BDH2: variants seen among roughly 807,000 people sequenced by gnomAD.
BDH2 encodes 3-hydroxybutyrate dehydrogenase 2, also known as dehydrogenase/reductase SDR family member 6.
A neutral mutation model predicts 33.2 loss-of-function variants in BDH2; 24 were observed. The ratio of observed to expected loss-of-function variants is 0.72; its 90% confidence interval spans 0.52 to 1.02. The LOEUF (loss-of-function observed/expected upper bound fraction) is 1.02. BDH2 is among the 50% of genes least tolerant of loss of function. BDH2 has a pLI of 0.00. For missense variants in BDH2, 249 were observed against 301.6 expected (o/e 0.83, Z 1.29); for synonymous variants, 81 against 101.6 (o/e 0.80, Z 1.22).
chr4:103,098,822 T>C (rs1024293258), intron 1 of BDH2: 3 of 152,178 alleles, frequency 2.0e-5, no homozygotes, highest in Non-Finnish European at 2.9e-5. Flanking sequence ...TCCATGCATA[T>C]TTAATTCTAT....
rs1441878316 is a variant in BDH2 at position 103,091,254 on chromosome 4, C to T, written c.280G>A (p.Glu94Lys). 1.9e-6 allele frequency: 3 copies of T among 1,613,290 alleles called. No homozygotes were observed. The highest frequency in any genetic ancestry group is 2.5e-6 in the Non-Finnish European group (3 of 1,179,552). The change falls in exon 5 of 10, where the codon GAG becomes AAG. Residue 94 changes from glutamate (E) to lysine (K), a missense_variant. Transcript: ENST00000296424. Reference sequence around the variant, plus strand: ...ATCGAGAAGTCCCAGTCTTTCTCCTCACAATCCAGGACAGTTCCATGATGG... The same window carrying T: ...ATCGAGAAGTCCCAGTCTTTCTCCTTACAATCCAGGACAGTTCCATGATGG... ...FVHHGTVLDC[E>K]EKDWDFSMNL...
intron 6 of BDH2, chr4:103,085,687 T>C (rs1278607533): frequency 1.4e-6 from 2 of 1,467,934 alleles, no homozygotes; most frequent in African/African-American, 1.4e-5. Flanking sequence ...TTAATTGAAA[T>C]GCTGAACTTA....
intron 5 of BDH2, 80 bp from the exon 6 acceptor site, chr4:103,086,620 T>G (rs1747805290): frequency 6.7e-7 from 1 of 1,499,060 alleles, no homozygotes; most frequent in Admixed American, 2.2e-5. Flanking sequence ...GATTTGCATT[T>G]TCTTAGGGTT....
Position 103,077,901 on chromosome 4 carries a change from C to T in BDH2, c.*1801G>A, listed in dbSNP as rs1271241377. Reference sequence around the variant, plus strand: ...TTAGCCATAATTCGGTAGTGTAGTGCCCGGTCCAAAACCTCATAGATAATC... The same window carrying T: ...TTAGCCATAATTCGGTAGTGTAGTGTCCGGTCCAAAACCTCATAGATAATC... On this transcript the variant is annotated 3_prime_UTR_variant, in exon 10 of 10. Transcript: ENST00000296424. Among the ~76,000 whole-genome samples, 1 of 152,178 alleles carries T rather than the reference C, an allele frequency of 6.6e-6. No individual in the cohort carries two copies. Among genetic ancestry groups the T allele is most frequent in the Admixed American group, 6.5e-5 (1 of 15,288 alleles).
rs533817028 is a variant in BDH2, at chr4:103,092,786, A to T, written c.152-90T>A. ...AAGTGTGAAGTGTGAAGATTGCAAC[A>T]TCTATCCAGCTAGGCTTCATAGATT... On this transcript the variant is annotated intron_variant, in intron 3 of 9. Transcript: ENST00000296424. 3,102 of 894,646 alleles carry T rather than the reference A, an allele frequency of 3.5e-3. 7 individuals are homozygous for T. The highest frequency in any genetic ancestry group is 4.7e-3 in the Non-Finnish European group (2,581 of 545,534). The allele number at this position is 894,646 out of a possible 1,614,324, so 55.4% of individuals were successfully genotyped here.
rs780526533 is a variant in BDH2 at position 103,092,695 on chromosome 4, A to T, written c.153T>A (p.Gly51=). Residue 51 remains glycine, a splice_region_variant and synonymous_variant, in exon 4 of 10, where the codon GGT becomes GGA. Transcript: ENST00000296424. The part of the protein sequence containing the change: ...SKLQELEKYP[G]IQTRVLDVTK... ...TGACATCAAGGACACGAGTTTGAATACCTGAAAAATAAAACAAGAGGCACT... is the reference window on the plus strand; with the variant it reads ...TGACATCAAGGACACGAGTTTGAATTCCTGAAAAATAAAACAAGAGGCACT... 1.2e-6 allele frequency: 2 copies of T among 1,605,750 alleles called. No individual in the cohort carries two copies. The highest frequency in any genetic ancestry group is 2.7e-5 in the African/African-American group (2 of 74,760).
chr4:103,098,280 G>T (rs770669041), intron 1 of BDH2, among the ~76,000 whole-genome samples: 1 of 152,198 alleles, frequency 6.6e-6, no homozygotes, highest in Non-Finnish European at 1.5e-5. Context: ...GATCACCAAC[G>T]TGGCTAATTT....
intron 5 of BDH2, among the ~76,000 whole-genome samples, chr4:103,090,608 TCA>T (rs1286835036): frequency 6.6e-6 from 1 of 152,198 alleles, no homozygotes; most frequent in African/African-American, 2.4e-5. Flanking sequence ...GTCTGAACTC[TCA>T]GTTTCATCTT....
chr4:103,084,574 G>T (rs1194377730), intron 7 of BDH2, among the ~76,000 whole-genome samples: 1 of 152,166 alleles, frequency 6.6e-6, no homozygotes, highest in Non-Finnish European at 1.5e-5. Flanking sequence ...TGGGTAAATG[G>T]CACCAAGAAT....
Position 103,095,241 on chromosome 4 carries a change from A to G in BDH2, c.113T>C (p.Ile38Thr). Residue 38 changes from isoleucine (I) to threonine (T), a missense_variant, in exon 3 of 10, where the codon ATT becomes ACT. By Grantham distance (89) the Ile-to-Thr change is moderately conservative. Coordinates refer to ENST00000296424, the MANE Select transcript of BDH2 (RefSeq NM_020139.4). ...REGAKVIATD[I>T]NESKLQELEK... Reference sequence around the variant, plus strand: ...CAGTTCCTGAAGTTTGGACTCATTAATGTCTGTGGCTATGACTTTGGCACC... The same window carrying G: ...CAGTTCCTGAAGTTTGGACTCATTAGTGTCTGTGGCTATGACTTTGGCACC... 6.2e-7 allele frequency: 1 copy of G among 1,613,888 alleles called. No homozygotes were observed. Among genetic ancestry groups the G allele is most frequent in the Non-Finnish European group, 8.5e-7 (1 of 1,179,844 alleles).
rs1360203543 is a variant in BDH2, at chr4:103,078,577, A to G, written c.*1125T>C. On this transcript the variant is annotated 3_prime_UTR_variant, in exon 10 of 10. Transcript: ENST00000296424. ...TAAACACTGGATTATTTTTCATAAC[A>G]TAACAGGTCAACAATATCGTTTTGA... Among the ~76,000 whole-genome samples, 2 of 152,206 alleles carry G rather than the reference A, an allele frequency of 1.3e-5. No homozygotes were observed. Among genetic ancestry groups the G allele is most frequent in the Admixed American group, 6.5e-5 (1 of 15,276 alleles).
intron 5 of BDH2, among the ~76,000 whole-genome samples, chr4:103,088,204 C>T (rs747984494): frequency 1.1e-4 from 16 of 152,164 alleles, no homozygotes; most frequent in Non-Finnish European, 2.1e-4. Context: ...GAATGTTGGT[C>T]AAGTGTAATG....
chr4:103,095,425 G>A, intron 2 of BDH2, 144 bp from the exon 3 acceptor site: 2 of 587,844 alleles, frequency 3.4e-6, no homozygotes, highest in South Asian at 4.3e-5. Flanking sequence ...AAACTATCTA[G>A]TCTTACCCCT....
intron 3 of BDH2, 120 bp from the exon 4 acceptor site, chr4:103,092,816 AC>A (rs1748178090): frequency 1.3e-6 from 1 of 742,678 alleles, no homozygotes; most frequent in Non-Finnish European, 2.4e-6. Context: ...TAGATTGCTG[AC>A]CTTCTTACTA....
At chr4:103,083,347 T>C (rs1017016794) in intron 7 of BDH2, among the ~76,000 whole-genome samples, 5 of 152,196 alleles carry the variant, frequency 3.3e-5, no homozygotes, top group Non-Finnish European at 5.9e-5. Flanking sequence ...CTCAATGATC[T>C]CAAAACCATT....
chr4:103,089,617 T>C lies in BDH2; in HGVS notation c.357+1560A>G, dbSNP rs72943196. On this transcript the variant is annotated intron_variant, in intron 5 of 9. Transcript: ENST00000296424. Reference sequence around the variant, plus strand: ...CAGCTCCACTGTACTCCACACCTACTTCCTTTACTAAAATTTGTAAAGCAT... The same window carrying C: ...CAGCTCCACTGTACTCCACACCTACCTCCTTTACTAAAATTTGTAAAGCAT... Among the ~76,000 whole-genome samples the C allele has an allele frequency of 3.3e-3, 505 of 152,350 alleles. 6 individuals carry two copies. Among genetic ancestry groups the C allele is most frequent in the African/African-American group, 0.012 (480 of 41,586 alleles).
At chr4:103,093,724 T>C (rs539994692) in intron 3 of BDH2, among the ~76,000 whole-genome samples, 3 of 147,520 alleles carry the variant, frequency 2.0e-5, no homozygotes, top group African/African-American at 7.4e-5. Context: ...AATATATGTA[T>C]AATACATATA....
Position 103,086,483 on chromosome 4 carries a change from T to G in BDH2, c.415A>C (p.Lys139Gln), listed in dbSNP as rs1296136361. The change falls in exon 6 of 10, where the codon AAA (lysine) becomes CAA (glutamine). Residue 139 changes from lysine (K) to glutamine (Q), a missense_variant. Lys to Gln is a moderately conservative substitution (Grantham distance 53). Transcript: ENST00000296424. ...CCTCGGAAGGAGACAGACCCACCTT[T>G]GACGCTGGAAGCCACAGAAGACATG... ...INMSSVASSV[K>Q]GVVNRCVYST... is the part of the protein sequence containing the mutation. 1 of 1,612,816 alleles carries G rather than the reference T, an allele frequency of 6.2e-7. No individual in the cohort carries two copies. The highest frequency in any genetic ancestry group is 8.5e-7 in the Non-Finnish European group (1 of 1,179,654).
chr4:103,081,366 C>T (rs367621509), intron 9 of BDH2, among the ~76,000 whole-genome samples: 154 of 152,294 alleles, frequency 1.0e-3, no homozygotes, highest in Middle Eastern at 3.4e-3. Flanking sequence ...GGCGCAATCC[C>T]GGCTCACTGC....
Sources: allele counts gnomAD v4.1 joint callset (sites outside exome capture counted in the v4.1 genomes callset), GRCh38; gene constraint gnomAD v4.1.1; transcripts MANE v1.5; gene names NCBI Gene and HGNC (gene_info 2026-07-23, HGNC 2026-07-21).